Variants in GDAP1 observed in about 807,000 individuals in gnomAD.
GDAP1 encodes the protein ganglioside-induced differentiation-associated protein 1.
A neutral mutation model predicts 40.1 loss-of-function variants in GDAP1; 34 were observed. The observed-to-expected ratio is 0.85, with a 90% CI of 0.64 to 1.13. GDAP1 has a LOEUF of 1.13. GDAP1 is among the 50% of genes most tolerant of loss of function. The probability of loss-of-function intolerance (pLI) is 0.00; values close to 1 mark genes in which losing one functional copy is unlikely to be tolerated. For synonymous variants in GDAP1, 170 were observed against 157.4 expected (o/e 1.08, Z -0.60); for missense variants, 374 against 433.7 (o/e 0.86, Z 1.22).
Position 74,394,926 on chromosome 8 carries a change from T to G in GDAP1, c.165+43605T>G, listed in dbSNP as rs187086969. On this transcript the variant is annotated intron_variant, in intron 2 of 2. Transcript: ENST00000523640. ...AGTGGAGCAAATACCTGAAGTTGCA[T>G]CAATTGCAAATTAAATGCATGCCAG... 7.9e-5 allele frequency among the ~76,000 whole-genome samples: 12 copies of G among 152,322 alleles called. No homozygotes were observed. In the East Asian group the frequency reaches 1.9e-3, roughly 24 times the overall value.
intron 2 of GDAP1, among the ~76,000 whole-genome samples, chr8:74,422,248 CCTTTCTTT>C (rs1188358745): frequency 3.2e-5 from 4 of 123,166 alleles, no homozygotes; most frequent in African/African-American, 1.1e-4. Flanking sequence ...CTCCCTCCCT[CCTTTCTTT>C]CTTTCTTTTT....
At chr8:74,450,839 T>A (rs1806292101) in intron 2 of GDAP1, among the ~76,000 whole-genome samples, 1 of 81,468 alleles carries the variant, frequency 1.2e-5, no homozygotes, top group Non-Finnish European at 2.5e-5. Flanking sequence ...TTTTTCCTTT[T>A]TATGTTCTCT....
Position 74,362,942 on chromosome 8 carries a change from A to G in GDAP1, c.583A>G (p.Lys195Glu), listed in dbSNP as rs1488916384. Residue 195 changes from lysine to glutamate, a missense_variant, in exon 5 of 6, where the codon AAG (lysine) becomes GAG (glutamate). Transcript: ENST00000220822. ...YIAKQKRLKS[K>E]LLDHDNVKYL... ...TCTTTTTTTGGTGGTTAATTAGTCA[A>G]AGCTGCTTGATCATGACAATGTCAA... 1.4e-5 allele frequency: 20 copies of G among 1,435,490 alleles called. No individual in the cohort carries two copies. Among genetic ancestry groups the G allele is most frequent in the Non-Finnish European group, 2.0e-5 (20 of 1,017,180 alleles). The allele number at this position is 1,435,490 out of a possible 1,614,324, so 88.9% of individuals were successfully genotyped here. A position where few individuals can be genotyped will look rare whatever the true frequency, so the allele number is the denominator to read the frequency against.
intron 2 of GDAP1, among the ~76,000 whole-genome samples, chr8:74,382,071 T>C (rs1253096222): frequency 6.6e-6 from 1 of 152,092 alleles, no homozygotes; most frequent in African/African-American, 2.4e-5. Context: ...CAAAGATGAC[T>C]AATGAGGGTT....
chr8:74,367,062 A>C (rs974781068), downstream of GDAP1: 2 of 228,932 alleles, frequency 8.7e-6, no homozygotes, highest in Middle Eastern at 1.7e-3. Flanking sequence ...TGCACGGTTA[A>C]AATGAATAGC....
intron 2 of GDAP1, among the ~76,000 whole-genome samples, chr8:74,462,810 C>T (rs531558952): frequency 3.0e-4 from 46 of 151,912 alleles, no homozygotes; most frequent in Non-Finnish European, 4.7e-4. Flanking sequence ...GATATGCCAG[C>T]ATTTAAACAA....
chr8:74,356,716 A>ATTT (rs377497809), intron 2 of GDAP1, among the ~76,000 whole-genome samples: 5,728 of 104,184 alleles, frequency 0.055, 519 homozygotes, highest in South Asian at 0.073. Context: ...ATATATATAT[A>ATTT]TTTTTTTTTT....
intron 2 of GDAP1, among the ~76,000 whole-genome samples, chr8:74,372,396 G>C (rs1809769544): frequency 1.3e-5 from 2 of 152,178 alleles, no homozygotes; most frequent in Admixed American, 6.5e-5. Context: ...CAGTGTAAAA[G>C]TGTTCCTATG....
intron 2 of GDAP1, among the ~76,000 whole-genome samples, chr8:74,394,446 C>T (rs1349813795): frequency 6.6e-6 from 1 of 152,072 alleles, no homozygotes; most frequent in South Asian, 2.1e-4. Context: ...TTGGGTAGAA[C>T]CTTCTAGTGG....
At position 74,364,219 on chromosome 8, in the gene GDAP1, G is replaced by A. The variant is rs1323153568; in HGVS notation, c.929G>A (p.Arg310Gln). The A allele has an allele frequency of 1.9e-6, 3 of 1,613,990 alleles. No homozygotes were observed. The highest frequency in any genetic ancestry group is 2.2e-5 in the South Asian group (2 of 91,076). The change falls in exon 6 of 6, where the codon CGG (arginine) becomes CAG (glutamine). Residue 310 changes from arginine (R) to glutamine (Q), a missense_variant. Transcript: ENST00000220822. ...LISAVLPTAF[R>Q]VAKKRAPKVL... ...TCTGCAGTGCTGCCAACAGCATTCC[G>A]GGTGGCCAAGAAAAGGGCCCCAAAA...
Position 74,366,549 on chromosome 8 carries a change from A to G in GDAP1, c.*2182A>G, listed in dbSNP as rs1412985593. The G allele has an allele frequency of 4.4e-6, 2 of 453,870 alleles. No individual in the cohort carries two copies. Among genetic ancestry groups the G allele is most frequent in the South Asian group, 3.1e-5 (2 of 64,390 alleles). 28.1% of individuals were successfully genotyped at this position (453,870 alleles called of 1,614,324 possible). Reference sequence around the variant, plus strand: ...GGCACTTATGTGTATTTTCTTTTTCATGATTATCGGTGACTGGTCAGTGTA... The same window carrying G: ...GGCACTTATGTGTATTTTCTTTTTCGTGATTATCGGTGACTGGTCAGTGTA... On this transcript the variant is annotated 3_prime_UTR_variant, in exon 6 of 6. Coordinates refer to ENST00000220822, the MANE Select transcript of GDAP1 (RefSeq NM_018972.4).
chr8:74,440,601 A>C (rs1405902189), intron 2 of GDAP1, among the ~76,000 whole-genome samples: 1 of 43,134 alleles, frequency 2.3e-5, no homozygotes, highest in East Asian at 7.1e-4. Flanking sequence ...TTACTTTAGA[A>C]GTCTTTTTTT....
intron 2 of GDAP1, among the ~76,000 whole-genome samples, chr8:74,407,796 A>G (rs1167903038): frequency 6.7e-6 from 1 of 149,204 alleles, no homozygotes; most frequent in Non-Finnish European, 1.5e-5. Flanking sequence ...TCCTCTGGCA[A>G]TACCTTGACA....
chr8:74,424,819 G>A (rs1805926535), intron 2 of GDAP1, among the ~76,000 whole-genome samples: 1 of 152,068 alleles, frequency 6.6e-6, no homozygotes, highest in African/African-American at 2.4e-5. Context: ...TATGTCTGTG[G>A]ATTATATTGA....
At chr8:74,401,071 C>G (rs1168971027) in intron 2 of GDAP1, among the ~76,000 whole-genome samples, 8 of 149,190 alleles carry the variant, frequency 5.4e-5, no homozygotes, top group Admixed American at 4.6e-4. Flanking sequence ...GTGGCGTTCT[C>G]TGTATTTCCT....
intron 2 of GDAP1, among the ~76,000 whole-genome samples, chr8:74,422,730 C>A (rs186899128): frequency 6.6e-6 from 1 of 151,754 alleles, no homozygotes; most frequent in Non-Finnish European, 1.5e-5. Context: ...CCCCTTTATT[C>A]TTTATTTCAT....
chr8:74,479,467 C>A (rs573417214), intron 2 of GDAP1, among the ~76,000 whole-genome samples: 81 of 152,140 alleles, frequency 5.3e-4, no homozygotes, highest in Middle Eastern at 6.8e-3. Context: ...CCTATAATTT[C>A]TTTTTTATGA....
intron 2 of GDAP1, among the ~76,000 whole-genome samples, chr8:74,448,186 A>C (rs915185490): frequency 2.0e-5 from 3 of 152,184 alleles, no homozygotes; most frequent in African/African-American, 7.2e-5. Context: ...GGCAAGTACT[A>C]TTCTGATTTC....
chr8:74,402,255 A>G lies in GDAP1; in HGVS notation c.165+50934A>G, dbSNP rs113039995. Among the ~76,000 whole-genome samples, 7 of 150,606 alleles carry G rather than the reference A, an allele frequency of 4.6e-5. 1 individual carries two copies. Among genetic ancestry groups the G allele is most frequent in the African/African-American group, 1.8e-4 (7 of 39,890 alleles). Reference sequence around the variant, plus strand: ...TTGTTTACCTAAGCAAGCCTGGGCAATGGCGGGCGCCCCTCCCCCAGCCTC... The same window carrying G: ...TTGTTTACCTAAGCAAGCCTGGGCAGTGGCGGGCGCCCCTCCCCCAGCCTC... On this transcript the variant is annotated intron_variant, in intron 2 of 2. Coordinates refer to the GDAP1 transcript ENST00000523640.
Sources: allele counts gnomAD v4.1 joint callset (sites outside exome capture counted in the v4.1 genomes callset), GRCh38; gene constraint gnomAD v4.1.1; transcripts MANE v1.5; gene names NCBI Gene and HGNC (gene_info 2026-07-23, HGNC 2026-07-21).